MIS18A: variants seen among roughly 807,000 people sequenced by gnomAD.
MIS18A encodes MIS18 kinetochore protein A, also known as protein Mis18-alpha.
MIS18A carries 14 observed loss-of-function variants against 25.0 expected under a neutral mutation model. That is an observed-to-expected ratio of 0.56 (90% CI 0.37 to 0.88). MIS18A has a LOEUF of 0.88. Among genes scored for constraint, MIS18A ranks in the 40% least tolerant of loss-of-function variants. The pLI, the probability that MIS18A is intolerant of heterozygous loss-of-function variation, is 0.00. For missense variants in MIS18A, 292 were observed against 290.8 expected, an observed-to-expected ratio of 1.00 and a Z score of -0.03; for synonymous variants, 134 against 118.6, an observed-to-expected ratio of 1.13 and a Z score of -0.84.
chr21:32,198,293 A>G, the MIS18A span, among the ~76,000 whole-genome samples: 1 of 152,388 alleles, frequency 6.6e-6, no homozygotes, highest in Admixed American at 6.5e-5. Flanking sequence ...TTTTCTATCA[A>G]AGGCATTGAA....
chr21:32,243,908 C>T, the MIS18A span, among the ~76,000 whole-genome samples: 2 of 151,762 alleles, frequency 1.3e-5, no homozygotes, highest in Admixed American at 1.3e-4. Context: ...GAGCCGAGAT[C>T]GTGCCACAGC....
chr21:32,276,153 C>G (rs1195704018), intron 1 of MIS18A, among the ~76,000 whole-genome samples: 2 of 152,098 alleles, frequency 1.3e-5, no homozygotes, highest in African/African-American at 4.8e-5. Flanking sequence ...AGAGCGTGAC[C>G]AAGAACTGTA....
At chr21:32,261,086 T>G in the MIS18A span, 2 of 152,162 alleles carry the variant, frequency 1.3e-5, no homozygotes, top group Non-Finnish European at 2.9e-5. Context: ...CAGCAGAGAT[T>G]AAGATGAGGG....
intron 2 of MIS18A, among the ~76,000 whole-genome samples, chr21:32,271,872 C>G (rs2031720904): frequency 6.6e-6 from 1 of 152,190 alleles, no homozygotes; most frequent in Non-Finnish European, 1.5e-5. Flanking sequence ...CGCCTCACAC[C>G]ATTACCAAGA....
At chr21:32,202,644 T>A in the MIS18A span, among the ~76,000 whole-genome samples, 1 of 152,028 alleles carries the variant, frequency 6.6e-6, no homozygotes, top group African/African-American at 2.4e-5. Flanking sequence ...CCATTCCACA[T>A]CCCCCCTTGG....
At chr21:32,159,557 G>A in the MIS18A span, among the ~76,000 whole-genome samples, 2 of 152,224 alleles carry the variant, frequency 1.3e-5, no homozygotes, top group Non-Finnish European at 2.9e-5. Context: ...AATATTTGAA[G>A]AGATTTATTG....
At chr21:32,271,219 C>A (rs1601077462) in intron 2 of MIS18A, among the ~76,000 whole-genome samples, 1 of 152,302 alleles carries the variant, frequency 6.6e-6, no homozygotes, top group East Asian at 1.9e-4. Context: ...ATTTACCATT[C>A]TATAAATATA....
At chr21:32,171,319 A>T in the MIS18A span, among the ~76,000 whole-genome samples, 1 of 152,110 alleles carries the variant, frequency 6.6e-6, no homozygotes, top group Non-Finnish European at 1.5e-5. Flanking sequence ...CAAGATCAAT[A>T]TACAAAATTC....
the MIS18A span, among the ~76,000 whole-genome samples, chr21:32,207,124 T>C: frequency 6.6e-6 from 1 of 152,226 alleles, no homozygotes; most frequent in Non-Finnish European, 1.5e-5. Flanking sequence ...ATGACTTCTA[T>C]CTTGGGAACT....
the MIS18A span, among the ~76,000 whole-genome samples, chr21:32,207,340 G>A: frequency 6.6e-6 from 1 of 152,224 alleles, no homozygotes; most frequent in African/African-American, 2.4e-5. Flanking sequence ...GAGGGGAGAC[G>A]ATGGTGGGTC....
downstream of MIS18A, among the ~76,000 whole-genome samples, chr21:32,266,062 A>T (rs576239131): frequency 2.1e-5 from 3 of 146,114 alleles, no homozygotes; most frequent in Admixed American, 1.4e-4. Context: ...GAGAACCTTT[A>T]TGTCTAGCTC....
At chr21:32,240,300 C>T in the MIS18A span, among the ~76,000 whole-genome samples, 3 of 152,250 alleles carry the variant, frequency 2.0e-5, no homozygotes, top group Non-Finnish European at 2.9e-5. Context: ...GAAGCCCTCA[C>T]GAATGGGATT....
At chr21:32,167,467 T>C in the MIS18A span, among the ~76,000 whole-genome samples, 1 of 152,094 alleles carries the variant, frequency 6.6e-6, no homozygotes, top group African/African-American at 2.4e-5. Context: ...AAACTAGAAA[T>C]TACAAAACTG....
the MIS18A span, among the ~76,000 whole-genome samples, chr21:32,186,606 C>T: frequency 0.16 from 24,460 of 152,064 alleles, 2,119 homozygotes; most frequent in East Asian, 0.3. Flanking sequence ...AAGAAGAGGG[C>T]GATACATCTA....
At chr21:32,224,474 T>C in the MIS18A span, among the ~76,000 whole-genome samples, 13 of 150,876 alleles carry the variant, frequency 8.6e-5, no homozygotes, top group South Asian at 2.1e-4. Context: ...AGCATTCTTA[T>C]ACACCAGCAA....
the MIS18A span, among the ~76,000 whole-genome samples, chr21:32,201,845 A>AC: frequency 6.6e-6 from 1 of 152,056 alleles, no homozygotes; most frequent in Non-Finnish European, 1.5e-5. Context: ...AACTAAAAAA[A>AC]TTTTTTAAAA....
At chr21:32,167,329 C>T in the MIS18A span, among the ~76,000 whole-genome samples, 1 of 151,724 alleles carries the variant, frequency 6.6e-6, no homozygotes, top group African/African-American at 2.4e-5. Context: ...TTACAGGTTC[C>T]CATATGCTGA....
At chr21:32,231,770 G>A in the MIS18A span, among the ~76,000 whole-genome samples, 13 of 152,022 alleles carry the variant, frequency 8.6e-5, no homozygotes, top group African/African-American at 2.2e-4. Flanking sequence ...AAAATTAGCC[G>A]GGCGTGGTGG....
At chr21:32,195,789 G>A in the MIS18A span, among the ~76,000 whole-genome samples, 2 of 152,244 alleles carry the variant, frequency 1.3e-5, no homozygotes, top group Non-Finnish European at 2.9e-5. Flanking sequence ...GGAGGCAGAG[G>A]CAGGTGGATA....
Sources: allele counts gnomAD v4.1 joint callset (sites outside exome capture counted in the v4.1 genomes callset), GRCh38; gene constraint gnomAD v4.1.1; transcripts MANE v1.5; gene names NCBI Gene and HGNC (gene_info 2026-07-23, HGNC 2026-07-21).